DOCK5: variants seen among roughly 807,000 people sequenced by gnomAD.
The protein encoded by DOCK5 is dedicator of cytokinesis protein 5.
A neutral mutation model predicts 251.8 loss-of-function variants in DOCK5; 142 were observed. The observed-to-expected ratio is 0.56, with a 90% confidence interval of 0.49 to 0.65. DOCK5 has a LOEUF of 0.65. DOCK5 is among the 30% of genes least tolerant of loss of function. The probability of loss-of-function intolerance (pLI) is 0.00; values close to 1 mark genes in which losing one functional copy is unlikely to be tolerated. For missense variants in DOCK5, 2,111 were observed against 2,312.3 expected, an observed-to-expected ratio of 0.91 and a Z score of 1.79; for synonymous variants, 842 against 835.5, an observed-to-expected ratio of 1.01 and a Z score of -0.13.
At chr8:25,351,708 G>T in intron 26 of DOCK5, 23 bp from the exon 27 acceptor site, 1 of 1,597,636 alleles carries the variant, frequency 6.3e-7, no homozygotes, top group Non-Finnish European at 8.6e-7. Flanking sequence ...AAGGAATGGA[G>T]TCAAATCCTG....
At chr8:25,354,050 AAAC>A (rs1385468851) in intron 27 of DOCK5, among the ~76,000 whole-genome samples, 2,653 of 26,132 alleles carry the variant, frequency 0.1, 445 homozygotes, top group South Asian at 0.22. Flanking sequence ...AAAAAAAAAC[AAAC>A]AAAAAAAAAA....
At chr8:25,338,817 T>C (rs938777507) in intron 22 of DOCK5, among the ~76,000 whole-genome samples, 1 of 152,230 alleles carries the variant, frequency 6.6e-6, no homozygotes, top group African/African-American at 2.4e-5. Context: ...AAAGAAAACC[T>C]GAGTGTGAAA....
rs111327830 is a variant in DOCK5, at chr8:25,376,910, G to A, written c.3817-395G>A. The stretch of plus-strand genomic sequence containing the variant: ...TAACTTAATTCTCTTATTGTGTGTC[G>A]CAGTTTCTTAGTCAACTGCCTTGCA... On this transcript the variant is annotated intron_variant, in intron 37 of 51. Transcript: ENST00000276440. 1.2e-3 allele frequency: 187 copies of A among 153,550 alleles called. 4 individuals carry two copies. In the South Asian group the frequency reaches 0.031, roughly 26 times the overall value. 9.5% of individuals were successfully genotyped at this position (153,550 alleles called of 1,614,324 possible).
chr8:25,401,697 G>A (rs1405763576), intron 47 of DOCK5, among the ~76,000 whole-genome samples: 1 of 152,164 alleles, frequency 6.6e-6, no homozygotes, highest in African/African-American at 2.4e-5. Flanking sequence ...TCACACCATT[G>A]CACTCCAGCC....
At chr8:25,299,172 G>A in intron 8 of DOCK5, 71 bp downstream of exon 8, 1 of 1,520,840 alleles carries the variant, frequency 6.6e-7, no homozygotes, top group East Asian at 2.3e-5. Context: ...CCCTACCCGG[G>A]CAGCTCTTTG....
At chr8:25,380,016 T>C (rs1801037176) in intron 38 of DOCK5, among the ~76,000 whole-genome samples, 1 of 152,220 alleles carries the variant, frequency 6.6e-6, no homozygotes, top group African/African-American at 2.4e-5. Flanking sequence ...GTGCTTGACC[T>C]GTTAAACACA....
chr8:25,337,885 C>T (rs1805855453), intron 22 of DOCK5, among the ~76,000 whole-genome samples: 2 of 151,066 alleles, frequency 1.3e-5, no homozygotes, highest in African/African-American at 4.9e-5. Context: ...GCGCCTGGCC[C>T]GATACATTCT....
In DOCK5 at chr8:25,374,700, C is replaced by G. The variant is rs769005279; in HGVS notation, c.3816+46C>G. On this transcript the variant is annotated intron_variant, in intron 37 of 51. Transcript: ENST00000276440. ...GTTTCAACAGGGTGGAGTACAGTGT[C>G]CTTTCAGACTAAATTCTATACATTT... is the stretch of plus-strand genomic sequence containing the variant. The G allele has an allele frequency of 1.2e-5, 19 of 1,613,332 alleles. No homozygotes were observed. The Admixed American group carries it at 3.0e-4, about 25-fold the overall frequency.
At chr8:25,294,887 C>A (rs1563341614) in intron 6 of DOCK5, among the ~76,000 whole-genome samples, 1 of 152,014 alleles carries the variant, frequency 6.6e-6, no homozygotes, top group Non-Finnish European at 1.5e-5. Flanking sequence ...GGGCTACAGA[C>A]TTTTAAACAA....
At chr8:25,338,402 A>G (rs1437641695) in intron 22 of DOCK5, among the ~76,000 whole-genome samples, 1 of 152,086 alleles carries the variant, frequency 6.6e-6, no homozygotes, top group Non-Finnish European at 1.5e-5. Flanking sequence ...TTCATTCTTT[A>G]TGTTTTTATT....
intron 1 of DOCK5, among the ~76,000 whole-genome samples, chr8:25,194,632 C>G (rs191248163): frequency 6.6e-6 from 1 of 152,200 alleles, no homozygotes; most frequent in African/African-American, 2.4e-5. Context: ...CCCTGTGCTT[C>G]GGGATCACAT....
chr8:25,184,800 G>A lies in DOCK5; in HGVS notation c.-109G>A, dbSNP rs1801385657. Reference sequence around the variant, plus strand: ...CCGCGGAGTCCAGCGAAGTTTGGCGGAACATGGCGGAAGCGTCTGGGGCAC... The same window carrying A: ...CCGCGGAGTCCAGCGAAGTTTGGCGAAACATGGCGGAAGCGTCTGGGGCAC... On this transcript the variant is annotated 5_prime_UTR_variant, in exon 1 of 52. Transcript: ENST00000276440. The A allele has an allele frequency of 1.9e-6, 2 of 1,068,560 alleles. No homozygotes were observed. The highest frequency in any genetic ancestry group is 4.6e-5 in the South Asian group (1 of 21,936). 66.2% of individuals were successfully genotyped at this position (1,068,560 alleles called of 1,614,324 possible). A position where few individuals can be genotyped will look rare whatever the true frequency, so the allele number is the denominator to read the frequency against.
At chr8:25,234,599 T>TACCTTTGATATTATATACAGCG (rs1802748457) in intron 1 of DOCK5, among the ~76,000 whole-genome samples, 1 of 152,226 alleles carries the variant, frequency 6.6e-6, no homozygotes, top group African/African-American at 2.4e-5. Flanking sequence ...TTAGCATGTG[T>TACCTTTGATATTATATACAGCG]ACCTTTGATA....
At chr8:25,292,771 A>T (rs961357411) in intron 6 of DOCK5, among the ~76,000 whole-genome samples, 1 of 152,130 alleles carries the variant, frequency 6.6e-6, no homozygotes, top group East Asian at 1.9e-4. Flanking sequence ...CCTGAAAATG[A>T]CCAAGCCTCT....
chr8:25,200,649 C>T (rs1801858933), intron 1 of DOCK5, among the ~76,000 whole-genome samples: 1 of 152,134 alleles, frequency 6.6e-6, no homozygotes, highest in African/African-American at 2.4e-5. Context: ...CATAAGAGCA[C>T]ATTTTTGTTA....
intron 1 of DOCK5, among the ~76,000 whole-genome samples, chr8:25,231,694 T>C (rs1159783371): frequency 1.3e-5 from 2 of 152,190 alleles, no homozygotes; most frequent in East Asian, 1.9e-4. Flanking sequence ...TCTTGCCTTA[T>C]TGCATTAGCT....
intron 31 of DOCK5, among the ~76,000 whole-genome samples, chr8:25,367,804 A>G (rs1056429276): frequency 6.6e-6 from 1 of 152,204 alleles, no homozygotes; most frequent in African/African-American, 2.4e-5. Context: ...ATATCAGTCT[A>G]TAAAGTATAT....
chr8:25,359,845 C>G (rs887797324), intron 28 of DOCK5, among the ~76,000 whole-genome samples: 1 of 152,214 alleles, frequency 6.6e-6, no homozygotes, highest in African/African-American at 2.4e-5. Flanking sequence ...ATTTTGTTCT[C>G]TATTGTTTTA....
chr8:25,231,376 C>T (rs967926676), intron 1 of DOCK5, among the ~76,000 whole-genome samples: 2 of 152,168 alleles, frequency 1.3e-5, no homozygotes, highest in Non-Finnish European at 2.9e-5. Context: ...TTTCCTGGTA[C>T]ACTTGTGCAA....
Sources: gnomAD v4.1 joint callset for allele counts (sites outside exome capture counted in the v4.1 genomes callset) on GRCh38, gnomAD v4.1.1 for gene constraint, MANE v1.5 for transcripts, NCBI Gene and HGNC (gene_info 2026-07-23, HGNC 2026-07-21) for gene names.